Variants in VWA8 observed in about 807,000 individuals in gnomAD.
VWA8 encodes the protein von Willebrand factor A domain-containing protein 8.
A neutral mutation model predicts 241.5 loss-of-function variants in VWA8; 221 were observed. The observed-to-expected ratio is 0.91, with a 90% CI of 0.82 to 1.02. The LOEUF is 1.02. VWA8 is among the 50% of genes least tolerant of loss of function. The pLI, the probability that VWA8 is intolerant of heterozygous loss-of-function variation, is 0.00. For synonymous variants in VWA8, 852 were observed against 827.1 expected (o/e 1.03, Z -0.52); for missense variants, 2,322 against 2,328.7 (o/e 1.00, Z 0.06).
rs1369932221 is a variant in VWA8, at chr13:41,794,854, G to A, written c.2064-7311C>T. ...ACCCAAAACCATAGAAACCCTGGAAGAGAATCTAGGCAATACCATTCAGGA... is the reference window on the plus strand; with the variant it reads ...ACCCAAAACCATAGAAACCCTGGAAAAGAATCTAGGCAATACCATTCAGGA... On this transcript the variant is annotated intron_variant, in intron 17 of 44. Transcript: ENST00000379310. 2.0e-5 allele frequency among the ~76,000 whole-genome samples: 3 copies of A among 152,130 alleles called. No homozygotes were observed. The East Asian group carries it at 5.8e-4, about 29-fold the overall frequency.
chr13:41,761,947 G>A (rs2045743724), intron 20 of VWA8, among the ~76,000 whole-genome samples: 1 of 148,836 alleles, frequency 6.7e-6, no homozygotes, highest in Non-Finnish European at 1.5e-5. Context: ...AGGTTGTGTG[G>A]AAAGAGTTAT....
intron 40 of VWA8, 80 bp from the exon 41 acceptor site, chr13:41,590,845 G>A (rs2044450039): frequency 1.3e-6 from 2 of 1,548,696 alleles, no homozygotes. Flanking sequence ...TGAATAACAG[G>A]AAACACACCT....
Position 41,567,940 on chromosome 13 carries a change from C to G in VWA8, c.*257G>C, listed in dbSNP as rs1398844203. ...AAAACCACCTTCCTTTAACCCCAAC[C>G]TTTGATAAAGTGCAGGTCAACTAGC... On this transcript the variant is annotated 3_prime_UTR_variant, in exon 45 of 45. Transcript: ENST00000379310. 1.7e-5 allele frequency: 6 copies of G among 357,810 alleles called. No individual in the cohort carries two copies. In the South Asian group the frequency reaches 5.0e-4, roughly 30 times the overall value. 22.2% of individuals were successfully genotyped at this position (357,810 alleles called of 1,614,324 possible).
At chr13:41,861,134 C>T (rs918571375) in intron 12 of VWA8, among the ~76,000 whole-genome samples, 4 of 151,948 alleles carry the variant, frequency 2.6e-5, no homozygotes, top group African/African-American at 9.7e-5. Flanking sequence ...TCGCGTGAAC[C>T]TGGGAGGCGG....
At chr13:41,704,144 T>C (rs1165199668) in intron 26 of VWA8, among the ~76,000 whole-genome samples, 1 of 152,242 alleles carries the variant, frequency 6.6e-6, no homozygotes, top group African/African-American at 2.4e-5. Flanking sequence ...GCAAGTTTCA[T>C]AGACTTTATT....
At position 41,923,092 on chromosome 13, in the gene VWA8, A is replaced by G. The variant is rs574206671; in HGVS notation, c.242-10924T>C. ...AAATGTGGTACATATACACCATGGAATACTATGCAGCCATAAAAAAGGATG... is the reference window on the plus strand; with the variant it reads ...AAATGTGGTACATATACACCATGGAGTACTATGCAGCCATAAAAAAGGATG... On this transcript the variant is annotated intron_variant, in intron 2 of 44. Coordinates refer to ENST00000379310, the MANE Select transcript of VWA8 (RefSeq NM_015058.2). 2.6e-3 allele frequency among the ~76,000 whole-genome samples: 396 copies of G among 152,364 alleles called. 2 individuals are homozygous for G. The highest frequency in any genetic ancestry group is 9.1e-3 in the African/African-American group (380 of 41,574).
intron 9 of VWA8, among the ~76,000 whole-genome samples, chr13:41,870,717 T>C (rs537244202): frequency 4.6e-5 from 7 of 151,996 alleles, no homozygotes; most frequent in Admixed American, 1.3e-4. Flanking sequence ...CTTAAATGTA[T>C]GTTTTCCCAC....
rs543346559 is a variant in VWA8 at position 41,910,592 on chromosome 13, CA to C, written c.372+1445del. On this transcript the variant is annotated intron_variant, in intron 3 of 44. Transcript: ENST00000379310. Reference sequence around the variant, plus strand: ...AAGTGGGACTCCATCTCAAAAAAAACAAAAAAAAAAAACAACAACAAAAATG... The same window carrying C: ...AAGTGGGACTCCATCTCAAAAAAAACAAAAAAAAAAACAACAACAAAAATG... Among the ~76,000 whole-genome samples the C allele has an allele frequency of 2.5e-3, 324 of 130,644 alleles. 2 individuals carry two copies. The highest frequency in any genetic ancestry group is 6.8e-3 in the African/African-American group (246 of 35,918). The allele number at this position is 130,644 out of a possible 152,430, so 85.7% of individuals were successfully genotyped here.
chr13:41,761,242 A>AT (rs2045737768), intron 20 of VWA8, 38 bp from the exon 21 acceptor site: 4 of 1,587,260 alleles, frequency 2.5e-6, no homozygotes, highest in African/African-American at 2.7e-5. Context: ...AAAAGAGGCT[A>AT]TTTTCTGGAG....
At chr13:41,882,379 G>A (rs1446804549) in intron 9 of VWA8, among the ~76,000 whole-genome samples, 6 of 151,984 alleles carry the variant, frequency 3.9e-5, no homozygotes, top group African/African-American at 9.7e-5. Context: ...AGGCAGAGAC[G>A]CTCCTCACTT....
intron 29 of VWA8, 40 bp from the exon 30 acceptor site, chr13:41,693,012 CTTTT>C (rs71706492): frequency 5.3e-4 from 576 of 1,082,404 alleles, no homozygotes; most frequent in Admixed American, 1.0e-3. Flanking sequence ...AAGATTTGTT[CTTTT>C]TTTTTTTTTT....
chr13:41,940,261 G>A (rs2138151301), intron 2 of VWA8, among the ~76,000 whole-genome samples: 1 of 152,200 alleles, frequency 6.6e-6, no homozygotes, highest in African/African-American at 2.4e-5. Context: ...AAAAGTGAAA[G>A]TCTATCATTT....
intron 27 of VWA8, among the ~76,000 whole-genome samples, chr13:41,702,943 C>T (rs947169018): frequency 9.2e-5 from 14 of 152,160 alleles, no homozygotes; most frequent in Non-Finnish European, 1.9e-4. Flanking sequence ...TAGTAACGGA[C>T]AGTTCTTTAC....
intron 40 of VWA8, among the ~76,000 whole-genome samples, chr13:41,591,138 C>T (rs948783121): frequency 6.6e-6 from 1 of 152,138 alleles, no homozygotes; most frequent in Non-Finnish European, 1.5e-5. Context: ...TGTCTGTAAG[C>T]CCAGAGAAAA....
intron 37 of VWA8, among the ~76,000 whole-genome samples, chr13:41,635,719 G>A (rs2044752210): frequency 6.6e-6 from 1 of 152,166 alleles, no homozygotes; most frequent in African/African-American, 2.4e-5. Context: ...TGGTAGTGGA[G>A]CAAACCAGAA....
chr13:41,723,991 T>C (rs1330398295), intron 24 of VWA8, among the ~76,000 whole-genome samples: 1 of 152,202 alleles, frequency 6.6e-6, no homozygotes, highest in African/African-American at 2.4e-5. Flanking sequence ...GGAATAGTTA[T>C]TAAGGTAAGA....
At chr13:41,573,486 A>AAAATATATATATAT in intron 43 of VWA8, among the ~76,000 whole-genome samples, 49 of 113,584 alleles carry the variant, frequency 4.3e-4, no homozygotes, top group South Asian at 9.3e-4. Context: ...AAAAAAAAAA[A>AAAATATATATATAT]ATATATATAT....
At chr13:41,912,840 G>C (rs1393751315) in intron 2 of VWA8, among the ~76,000 whole-genome samples, 1 of 152,104 alleles carries the variant, frequency 6.6e-6, no homozygotes, top group Non-Finnish European at 1.5e-5. Context: ...CCATCAATGT[G>C]CTCATCTTCT....
intron 17 of VWA8, among the ~76,000 whole-genome samples, chr13:41,792,680 CA>C (rs1269318939): frequency 1.3e-5 from 2 of 151,920 alleles, no homozygotes. Context: ...ATCTAAATAT[CA>C]ACTTGGAGGG....
Sources: allele counts gnomAD v4.1 joint callset (sites outside exome capture counted in the v4.1 genomes callset), GRCh38; gene constraint gnomAD v4.1.1; transcripts MANE v1.5; gene names NCBI Gene and HGNC (gene_info 2026-07-23, HGNC 2026-07-21).